EXOSC7: variants seen among roughly 807,000 people sequenced by gnomAD.
EXOSC7 encodes the protein exosome component 7, also known as exosome complex component RRP42.
In EXOSC7, 25 loss-of-function variants were observed where a neutral mutation model predicts 34.3. That is an observed-to-expected ratio of 0.73 (90% CI 0.53 to 1.02). EXOSC7 has a LOEUF of 1.02. Among genes scored for constraint, EXOSC7 ranks in the 50% least tolerant of loss-of-function variants. The pLI, the probability that EXOSC7 is intolerant of heterozygous loss-of-function variation, is 0.00. For synonymous variants in EXOSC7, 130 were observed against 143.0 expected (o/e 0.91, Z 0.65); for missense variants, 370 against 368.5 (o/e 1.00, Z -0.03).
rs563181971 is a variant in EXOSC7, at chr3:45,005,060, T to C, written c.492-231T>C. On this transcript the variant is annotated intron_variant, in intron 5 of 7. Coordinates refer to ENST00000265564, the MANE Select transcript of EXOSC7 (RefSeq NM_015004.4). ...AGGGATTGAGATTCTTTTTTTTCCA[T>C]TGGGATATCTGATTGACCCAGCATC... 8.2e-6 allele frequency: 4 copies of C among 485,894 alleles called. No individual in the cohort carries two copies. The East Asian group carries it at 9.6e-5, about 12-fold the overall frequency. 30.1% of individuals were successfully genotyped at this position (485,894 alleles called of 1,614,324 possible). A position where few individuals can be genotyped will look rare whatever the true frequency, so the allele number is the denominator to read the frequency against.
At position 45,007,408 on chromosome 3, in the gene EXOSC7, C is replaced by T. The variant is rs28544289; in HGVS notation, c.616-12C>T. The T allele has an allele frequency of 2.6e-3, 4,237 of 1,613,876 alleles. 66 individuals carry two copies. In the African/African-American group the frequency reaches 0.033, roughly 12 times the overall value. ...CGTGACCCACCGTGTGCCACGCACC[C>T]TGCCTTTGCAGATTGGCTATCGGCA... On this transcript the variant is annotated splice_polypyrimidine_tract_variant and intron_variant, in intron 6 of 7. Coordinates refer to ENST00000265564, the MANE Select transcript of EXOSC7 (RefSeq NM_015004.4).
At chr3:45,007,720 G>C (rs1707093291) in intron 7 of EXOSC7, 145 bp downstream of exon 7, 1 of 915,602 alleles carries the variant, frequency 1.1e-6, no homozygotes, top group Non-Finnish European at 1.6e-6. Context: ...TTTGAGCCAG[G>C]GGTCTGCTGA....
At position 44,993,747 on chromosome 3, in the gene EXOSC7, G is replaced by C. The variant is rs1051388102; in HGVS notation, c.255-3340G>C. On this transcript the variant is annotated intron_variant, in intron 3 of 7. Coordinates refer to ENST00000265564, the MANE Select transcript of EXOSC7 (RefSeq NM_015004.4). Reference sequence around the variant, plus strand: ...TGGTTTTATGCCCAAAAGACCAAGTGTGTACACCCCCCACTGAAGGAGTAG... The same window carrying C: ...TGGTTTTATGCCCAAAAGACCAAGTCTGTACACCCCCCACTGAAGGAGTAG... Among the ~76,000 whole-genome samples the C allele has an allele frequency of 2.7e-4, 41 of 152,210 alleles. 1 individual carries two copies. Among genetic ancestry groups the C allele is most frequent in the African/African-American group, 9.9e-4 (41 of 41,464 alleles).
At chr3:44,999,385 T>G (rs546838262) in intron 4 of EXOSC7, among the ~76,000 whole-genome samples, 20 of 152,326 alleles carry the variant, frequency 1.3e-4, no homozygotes, top group African/African-American at 4.6e-4. Context: ...AGACATGAGC[T>G]TTTAAAATGT....
intron 1 of EXOSC7, among the ~76,000 whole-genome samples, chr3:44,983,568 G>C (rs1706330306): frequency 6.6e-6 from 1 of 152,192 alleles, no homozygotes; most frequent in African/African-American, 2.4e-5. Context: ...GATCACATGG[G>C]TAACAGCTGT....
At chr3:44,991,867 C>T (rs1706583265) in intron 3 of EXOSC7, among the ~76,000 whole-genome samples, 1 of 152,098 alleles carries the variant, frequency 6.6e-6, no homozygotes, top group Non-Finnish European at 1.5e-5. Context: ...ATTGATTTCT[C>T]AAGATGGACA....
chr3:45,000,763 T>A (rs762525699), intron 4 of EXOSC7, among the ~76,000 whole-genome samples: 1 of 152,178 alleles, frequency 6.6e-6, no homozygotes, highest in Non-Finnish European at 1.5e-5. Context: ...GTTTTCTCCT[T>A]GTTTGGAGGC....
intron 1 of EXOSC7, among the ~76,000 whole-genome samples, chr3:44,977,942 C>G (rs946777557): frequency 1.3e-5 from 2 of 152,176 alleles, no homozygotes; most frequent in Admixed American, 6.5e-5. Context: ...CATTAGCTAT[C>G]CAGCAGCAGA....
At chr3:45,002,517 A>C (rs958289369) in intron 5 of EXOSC7, among the ~76,000 whole-genome samples, 1 of 152,184 alleles carries the variant, frequency 6.6e-6, no homozygotes, top group Non-Finnish European at 1.5e-5. Flanking sequence ...AGGCATGTTA[A>C]TATGGAAAAT....
intron 3 of EXOSC7, among the ~76,000 whole-genome samples, 171 bp from the exon 4 acceptor site, chr3:44,996,916 G>A (rs1706736520): frequency 6.6e-6 from 1 of 152,226 alleles, no homozygotes; most frequent in Non-Finnish European, 1.5e-5. Context: ...TTCATTACAT[G>A]TGTCTGGAGT....
At chr3:44,999,148 GC>G (rs142590640) in intron 4 of EXOSC7, among the ~76,000 whole-genome samples, 10,691 of 152,268 alleles carry the variant, frequency 0.07, 468 homozygotes, top group Middle Eastern at 0.18. Context: ...AGCAACAGAA[GC>G]CTGTTCTATT....
Position 45,004,324 on chromosome 3 carries a change from C to T in EXOSC7, c.492-967C>T, listed in dbSNP as rs532191712. 82 of 151,992 alleles carry T rather than the reference C, an allele frequency of 5.4e-4. 1 individual carries two copies. Among genetic ancestry groups the T allele is most frequent in the African/African-American group, 1.9e-3 (78 of 41,438 alleles). 9.4% of individuals were successfully genotyped at this position (151,992 alleles called of 1,614,324 possible). A position where few individuals can be genotyped will look rare whatever the true frequency, so the allele number is the denominator to read the frequency against. On this transcript the variant is annotated intron_variant, in intron 5 of 7. Coordinates refer to ENST00000265564, the MANE Select transcript of EXOSC7 (RefSeq NM_015004.4). ...AGGCTGGACTGCAGTGGCGTGATCTCAGTTCACTGCAACCTCCACTTCCCA... is the reference window on the plus strand; with the variant it reads ...AGGCTGGACTGCAGTGGCGTGATCTTAGTTCACTGCAACCTCCACTTCCCA...
chr3:44,976,316 C>G lies in EXOSC7; in HGVS notation c.39C>G (p.Tyr13Ter), dbSNP rs1416801795. The G allele has an allele frequency of 6.4e-7, 1 of 1,570,164 alleles. No homozygotes were observed. Among genetic ancestry groups the G allele is most frequent in the Non-Finnish European group, 8.6e-7 (1 of 1,164,106 alleles). The change falls in exon 1 of 8, where the codon TAC (tyrosine) becomes TAG (stop). Residue 13 changes from tyrosine to a stop codon, truncating the protein, a stop_gained. Coordinates refer to ENST00000265564, the MANE Select transcript of EXOSC7 (RefSeq NM_015004.4). LOFTEE classifies it high-confidence loss of function. The stretch of plus-strand genomic sequence containing the variant: ...CGCTGAGCGAGGCGGAGAAGGTGTA[C>G]ATCGTGCATGGCGTCCAGGTAGCTA... ...SVTLSEAEKV[Y>*]IVHGVQEDLR...
Position 44,976,310 on chromosome 3 carries a change from GGTGTACATC to G in EXOSC7, c.37_45del (p.Tyr13_Val15del). On this transcript the variant is annotated inframe_deletion, in exon 1 of 8. Transcript: ENST00000265564. Reference sequence around the variant, plus strand: ...CCGTGACGCTGAGCGAGGCGGAGAAGGTGTACATCGTGCATGGCGTCCAGGTAGCTACAG... The same window carrying G: ...CCGTGACGCTGAGCGAGGCGGAGAAGGTGCATGGCGTCCAGGTAGCTACAG... 1 of 1,569,668 alleles carries G rather than the reference GGTGTACATC, an allele frequency of 6.4e-7. No homozygotes were observed. The highest frequency in any genetic ancestry group is 1.2e-5 in the South Asian group (1 of 85,876).
intron 4 of EXOSC7, among the ~76,000 whole-genome samples, chr3:45,000,900 C>T (rs974388102): frequency 1.3e-5 from 2 of 152,160 alleles, no homozygotes; most frequent in African/African-American, 4.8e-5. Flanking sequence ...GTGAGAGGAG[C>T]CCACCCACAA....
At chr3:44,986,784 G>A (rs1222837125) in intron 1 of EXOSC7, among the ~76,000 whole-genome samples, 1 of 152,214 alleles carries the variant, frequency 6.6e-6, no homozygotes, top group Non-Finnish European at 1.5e-5. Flanking sequence ...AAGCAAGTAT[G>A]GCAGAGGGTG....
intron 5 of EXOSC7, 172 bp from the exon 6 acceptor site, chr3:45,005,119 C>A: frequency 1.5e-6 from 1 of 647,284 alleles, no homozygotes; most frequent in Non-Finnish European, 2.6e-6. Context: ...CATTGCACTG[C>A]GGCGCCTCCT....
At chr3:44,978,215 T>C (rs1471751985) in intron 1 of EXOSC7, among the ~76,000 whole-genome samples, 4 of 152,180 alleles carry the variant, frequency 2.6e-5, no homozygotes, top group East Asian at 1.9e-4. Context: ...TCCCAGCACT[T>C]TGAAAGGCTG....
At chr3:44,997,625 T>C (rs1706757739) in intron 4 of EXOSC7, among the ~76,000 whole-genome samples, 2 of 152,206 alleles carry the variant, frequency 1.3e-5, no homozygotes, top group Admixed American at 1.3e-4. Context: ...GCTCTTTACA[T>C]GCATTTTCAT....
Sources: gnomAD v4.1 joint callset for allele counts (sites outside exome capture counted in the v4.1 genomes callset) on GRCh38, gnomAD v4.1.1 for gene constraint, MANE v1.5 for transcripts, NCBI Gene and HGNC (gene_info 2026-07-23, HGNC 2026-07-21) for gene names.